PSMA1: variants seen among roughly 807,000 people sequenced by gnomAD.
PSMA1 encodes proteasome 20S subunit alpha 1, also known as proteasome subunit alpha type-1.
PSMA1 carries 3 observed loss-of-function variants against 38.4 expected under a neutral mutation model. The ratio of observed to expected loss-of-function variants is 0.08; its 90% CI spans 0.04 to 0.20. PSMA1 has a LOEUF of 0.20. PSMA1 is among the 10% of genes least tolerant of loss of function. The pLI is 1.00. For synonymous variants in PSMA1, 101 were observed against 107.1 expected, an observed-to-expected ratio of 0.94 and a Z score of 0.35; for missense variants, 227 against 325.3, an observed-to-expected ratio of 0.70 and a Z score of 2.32.
chr11:14,604,483 C>T (rs979644483), intron 2 of PSMA1, among the ~76,000 whole-genome samples: 9 of 152,104 alleles, frequency 5.9e-5, no homozygotes, highest in Non-Finnish European at 1.2e-4. Flanking sequence ...TTAGTCCATT[C>T]CTTGTAATAT....
intron 2 of PSMA1, among the ~76,000 whole-genome samples, chr11:14,571,033 G>T (rs1424618704): frequency 6.6e-6 from 1 of 152,192 alleles, no homozygotes; most frequent in African/African-American, 2.4e-5. Flanking sequence ...CAAGCCAGAA[G>T]AGAGTGGGGG....
At chr11:14,576,919 A>G (rs998711394) in intron 2 of PSMA1, among the ~76,000 whole-genome samples, 2 of 152,182 alleles carry the variant, frequency 1.3e-5, no homozygotes, top group East Asian at 1.9e-4. Flanking sequence ...TGAGCATGGA[A>G]TGTTCTTCCA....
intron 2 of PSMA1, among the ~76,000 whole-genome samples, chr11:14,583,196 C>CT (rs949586341): frequency 5.3e-4 from 81 of 152,318 alleles, no homozygotes; most frequent in African/African-American, 1.9e-3. Context: ...CCTTTCACTT[C>CT]TCTTCTTCCT....
At position 14,632,800 on chromosome 11, in the gene PSMA1, A is replaced by C. The variant is rs1281483271; in HGVS notation, c.-166+10655T>G. 5.9e-5 allele frequency among the ~76,000 whole-genome samples: 9 copies of C among 151,856 alleles called. No homozygotes were observed. The East Asian group carries it at 1.7e-3, about 29-fold the overall frequency. On this transcript the variant is annotated intron_variant, in intron 1 of 10. Coordinates refer to the PSMA1 transcript ENST00000418988. ...TCCATTCTCCCCATCACTTTCAGGT[A>C]CACCAATCAGACGTAGATTTGGTCT...
At chr11:14,643,248 G>A (rs1174392060) in intron 1 of PSMA1, among the ~76,000 whole-genome samples, 1 of 151,826 alleles carries the variant, frequency 6.6e-6, no homozygotes, top group African/African-American at 2.4e-5. Flanking sequence ...GGGTTTCTTC[G>A]CCATGGCCTT....
intron 2 of PSMA1, among the ~76,000 whole-genome samples, chr11:14,547,177 G>C (rs1851835981): frequency 6.6e-6 from 1 of 152,194 alleles, no homozygotes; most frequent in African/African-American, 2.4e-5. Flanking sequence ...GGAGATTTCT[G>C]GGTCCTCCTC....
intron 1 of PSMA1, among the ~76,000 whole-genome samples, chr11:14,637,740 C>T: frequency 6.6e-6 from 1 of 152,088 alleles, no homozygotes; most frequent in Non-Finnish European, 1.5e-5. Context: ...AACATTTCTG[C>T]ATTTATAGTA....
intron 2 of PSMA1, among the ~76,000 whole-genome samples, chr11:14,594,188 A>T (rs1852456319): frequency 6.6e-6 from 1 of 152,212 alleles, no homozygotes; most frequent in African/African-American, 2.4e-5. Context: ...GAAGTAATAA[A>T]TGTTTCTTAT....
chr11:14,623,176 C>T (rs773681212), intron 1 of PSMA1, among the ~76,000 whole-genome samples: 24 of 152,318 alleles, frequency 1.6e-4, no homozygotes, highest in African/African-American at 5.5e-4. Context: ...GTAGCTCAGA[C>T]CAGCATGTCA....
At chr11:14,511,120 T>C (rs1851335938) in intron 7 of PSMA1, 169 bp from the exon 8 acceptor site, 1 of 416,858 alleles carries the variant, frequency 2.4e-6, no homozygotes, top group Non-Finnish European at 4.3e-6. Flanking sequence ...TAGCATTCTA[T>C]GACATTGCTG....
At chr11:14,550,743 T>TTA (rs1851876624) in intron 2 of PSMA1, among the ~76,000 whole-genome samples, 1 of 151,996 alleles carries the variant, frequency 6.6e-6, no homozygotes, top group Non-Finnish European at 1.5e-5. Context: ...TTAATTTTTT[T>TTA]ACGGGAAAAT....
At chr11:14,596,180 T>C (rs1335321497) in intron 2 of PSMA1, among the ~76,000 whole-genome samples, 1 of 152,244 alleles carries the variant, frequency 6.6e-6, no homozygotes, top group Non-Finnish European at 1.5e-5. Context: ...GGTAGTGTGA[T>C]GCCTCCAGCT....
chr11:14,622,403 C>T (rs1440562054), intron 1 of PSMA1, among the ~76,000 whole-genome samples: 2 of 152,196 alleles, frequency 1.3e-5, no homozygotes, highest in Non-Finnish European at 2.9e-5. Flanking sequence ...CCTGAACATT[C>T]GTCTGATACA....
In PSMA1 at chr11:14,631,362, T is replaced by G. The variant is rs530653919; in HGVS notation, c.-166+12093A>C. On this transcript the variant is annotated intron_variant, in intron 1 of 10. Coordinates refer to the PSMA1 transcript ENST00000418988. ...ATGTGTCCCAGAGATTCTGGTATGT[T>G]GTGTCTTTGTTCTCGTTGGTTTCAA... Among the ~76,000 whole-genome samples, 605 of 152,242 alleles carry G rather than the reference T, an allele frequency of 4.0e-3. 7 individuals carry two copies. Among genetic ancestry groups the G allele is most frequent in the African/African-American group, 0.014 (571 of 41,480 alleles).
chr11:14,623,878 C>G (rs995917938), intron 1 of PSMA1, among the ~76,000 whole-genome samples: 2 of 152,108 alleles, frequency 1.3e-5, no homozygotes, highest in African/African-American at 4.8e-5. Context: ...TTAATGAGAC[C>G]AACTGGCCAC....
chr11:14,624,486 A>G (rs1489324216), intron 1 of PSMA1, among the ~76,000 whole-genome samples: 1 of 152,008 alleles, frequency 6.6e-6, no homozygotes, highest in African/African-American at 2.4e-5. Flanking sequence ...ATAACTCTCA[A>G]TGGGGGATTT....
chr11:14,629,941 G>C (rs2133717954), intron 1 of PSMA1, among the ~76,000 whole-genome samples: 1 of 152,196 alleles, frequency 6.6e-6, no homozygotes, highest in East Asian at 1.9e-4. Context: ...CTGTGAATGG[G>C]AGTTCACTCA....
intron 2 of PSMA1, among the ~76,000 whole-genome samples, chr11:14,592,080 G>C (rs1852422913): frequency 6.6e-6 from 1 of 151,306 alleles, no homozygotes; most frequent in Non-Finnish European, 1.5e-5. Context: ...CACTGCGAAG[G>C]TCTGCAGCTT....
intron 2 of PSMA1, among the ~76,000 whole-genome samples, chr11:14,608,426 G>A (rs768075331): frequency 6.4e-4 from 97 of 151,552 alleles, no homozygotes; most frequent in Admixed American, 3.0e-3. Flanking sequence ...TAGGGGGAGC[G>A]GGGAGGGTTA....
Sources: gnomAD v4.1 joint callset for allele counts (sites outside exome capture counted in the v4.1 genomes callset) on GRCh38, gnomAD v4.1.1 for gene constraint, MANE v1.5 for transcripts, NCBI Gene and HGNC (gene_info 2026-07-23, HGNC 2026-07-21) for gene names.